The following NUP210 variants were observed in gnomAD, a reference collection of about 807,000 sequenced individuals.
NUP210 encodes nuclear pore membrane glycoprotein 210.
NUP210 carries 151 observed loss-of-function variants against 196.0 expected under a neutral mutation model. The observed-to-expected ratio is 0.77, with a 90% CI of 0.67 to 0.88. The LOEUF (loss-of-function observed/expected upper bound fraction) is 0.88, where lower values mean the gene tolerates loss of function less well. Among genes scored for constraint, NUP210 ranks in the 40% least tolerant of loss-of-function variants. The pLI is 0.00. For missense variants in NUP210, 2,314 were observed against 2,493.7 expected (o/e 0.93, Z 1.53); for synonymous variants, 1,070 against 1,052.7 (o/e 1.02, Z -0.32).
intron 39 of NUP210, 38 bp from the exon 40 acceptor site, chr3:13,317,819 A>G: frequency 1.4e-6 from 2 of 1,444,572 alleles, no homozygotes; most frequent in Non-Finnish European, 1.9e-6. Context: ...CAGCAGAGCC[A>G]GGGAAAGCGG....
rs371346807 is a variant in NUP210 at position 13,319,813 on chromosome 3, G to A, written c.5333C>T (p.Ala1778Val). ...CACAAAAGCCACTGTCACTGGGATG[G>A]CAATGGCTTGGTTGGTCACGGGGCT... is the stretch of plus-strand genomic sequence containing the variant. ...FSSPVTNQAI[A>V]IPVTVAFVVD... is the part of the protein sequence containing the mutation. The change falls in exon 37 of 40, where the codon GCC becomes GTC. Residue 1778 changes from alanine to valine, a missense_variant. Physicochemically the swap from Ala to Val is moderately conservative, Grantham distance 64. Coordinates refer to ENST00000254508, the MANE Select transcript of NUP210 (RefSeq NM_024923.4). 1.7e-5 allele frequency: 28 copies of A among 1,614,122 alleles called. No individual in the cohort carries two copies. The highest frequency in any genetic ancestry group is 2.3e-5 in the Non-Finnish European group (27 of 1,180,044).
At chr3:13,383,434 G>C (rs1032484593) in intron 6 of NUP210, among the ~76,000 whole-genome samples, 21 of 150,868 alleles carry the variant, frequency 1.4e-4, no homozygotes, top group Non-Finnish European at 3.1e-4. Flanking sequence ...GAAGGTCAGT[G>C]ACCAAGCTCG....
chr3:13,330,591 C>T lies in NUP210; in HGVS notation c.3979G>A (p.Glu1327Lys), dbSNP rs199836273. 117 of 1,614,094 alleles carry T rather than the reference C, an allele frequency of 7.2e-5. No individual in the cohort carries two copies. Among genetic ancestry groups the T allele is most frequent in the South Asian group, 3.5e-4 (32 of 91,080 alleles). ...SLSYRVLDGP[E>K]KVPVVHVDEK... ...TCAACATGCACAACTGGAACCTTTT[C>T]GGGTCCATCCAGGACGCGGTAGCTC... is the stretch of plus-strand genomic sequence containing the variant. Residue 1327 changes from glutamate to lysine, a missense_variant, in exon 30 of 40, where the codon GAA (glutamate) becomes AAA (lysine). Coordinates refer to ENST00000254508, the MANE Select transcript of NUP210 (RefSeq NM_024923.4).
chr3:13,411,000 T>C (rs1576429495), intron 1 of NUP210, among the ~76,000 whole-genome samples: 2 of 151,400 alleles, frequency 1.3e-5, no homozygotes, highest in East Asian at 1.9e-4. Flanking sequence ...GGTAGGAGGA[T>C]TGCTTGAGGC....
intron 36 of NUP210, among the ~76,000 whole-genome samples, chr3:13,320,632 CAA>C (rs35982089): frequency 1.7e-3 from 116 of 67,436 alleles, no homozygotes; most frequent in African/African-American, 6.6e-3. Context: ...GACTCCGTCT[CAA>C]AAAAAAAAAA....
At chr3:13,372,294 G>A (rs945073235) in intron 12 of NUP210, among the ~76,000 whole-genome samples, 1 of 152,210 alleles carries the variant, frequency 6.6e-6, no homozygotes. Flanking sequence ...GGGATGGTGC[G>A]TGCAAAGGCC....
At chr3:13,386,494 A>C in intron 5 of NUP210, 87 bp from the exon 6 acceptor site, 1 of 1,506,630 alleles carries the variant, frequency 6.6e-7, no homozygotes, top group East Asian at 2.3e-5. Context: ...GATGTTTTAA[A>C]CATGGGAATA....
intron 20 of NUP210, among the ~76,000 whole-genome samples, chr3:13,346,154 G>A (rs147820137): frequency 4.6e-5 from 7 of 152,364 alleles, no homozygotes; most frequent in Non-Finnish European, 1.0e-4. Flanking sequence ...TACCATCTCT[G>A]GAGCCCTCGA....
At chr3:13,330,680 G>C (rs1257258854) in intron 29 of NUP210, 46 bp from the exon 30 acceptor site, 1 of 1,558,784 alleles carries the variant, frequency 6.4e-7, no homozygotes, top group Non-Finnish European at 8.8e-7. Context: ...GCAGCAGTGG[G>C]AGTGGGCCTG....
In NUP210 at chr3:13,325,840, C is replaced by T. The variant is rs764089774; in HGVS notation, c.4599G>A (p.Val1533=). 3 of 1,613,994 alleles carry T rather than the reference C, an allele frequency of 1.9e-6. No homozygotes were observed. Among genetic ancestry groups the T allele is most frequent in the Non-Finnish European group, 2.5e-6 (3 of 1,180,036 alleles). ...GVAVARAVGS[V]TVYYEVAGHL... is the part of the protein sequence containing the mutation. ...GCCCAGCGACCTCATAGTAAACCGTCACGGATCCCACGGCCCGGGCCACAG... is the reference window on the plus strand; with the variant it reads ...GCCCAGCGACCTCATAGTAAACCGTTACGGATCCCACGGCCCGGGCCACAG... Residue 1533 remains valine (V), a synonymous_variant, in exon 33 of 40, where the codon GTG becomes GTA. Coordinates refer to ENST00000254508, the MANE Select transcript of NUP210 (RefSeq NM_024923.4).
At chr3:13,412,491 A>T (rs1700209913) in intron 1 of NUP210, among the ~76,000 whole-genome samples, 1 of 152,036 alleles carries the variant, frequency 6.6e-6, no homozygotes, top group Non-Finnish European at 1.5e-5. Context: ...AGGAGGGCTG[A>T]TCACCTGAGG....
rs1024803325 is a variant in NUP210 at position 13,323,180 on chromosome 3, C to T, written c.4768+129G>A. On this transcript the variant is annotated intron_variant, in intron 34 of 39. Transcript: ENST00000254508. The surrounding 1 kb of genome is among the most constrained non-coding windows in gnomAD (Gnocchi z 4.3). Reference sequence around the variant, plus strand: ...GCTGGAAGGAGTGGATGAGTGGGGGCTAAATGCCCTCTCTGGAGTTGGTGT... The same window carrying T: ...GCTGGAAGGAGTGGATGAGTGGGGGTTAAATGCCCTCTCTGGAGTTGGTGT... 1 of 1,173,890 alleles carries T rather than the reference C, an allele frequency of 8.5e-7. No individual in the cohort carries two copies. Among genetic ancestry groups the T allele is most frequent in the Non-Finnish European group, 1.2e-6 (1 of 830,244 alleles). The allele number at this position is 1,173,890 out of a possible 1,614,324, so 72.7% of individuals were successfully genotyped here.
chr3:13,366,365 C>G (rs1053298685), intron 13 of NUP210, among the ~76,000 whole-genome samples: 1 of 152,100 alleles, frequency 6.6e-6, no homozygotes, highest in African/African-American at 2.4e-5. Flanking sequence ...CTCCTGACCT[C>G]AAGTGATCAA....
chr3:13,364,667 A>G (rs894273255), intron 14 of NUP210, among the ~76,000 whole-genome samples: 2 of 152,118 alleles, frequency 1.3e-5, no homozygotes, highest in South Asian at 2.1e-4. Context: ...TGTCTCTACT[A>G]AAAATACAAA....
intron 1 of NUP210, among the ~76,000 whole-genome samples, chr3:13,410,618 T>TA (rs1265185683): frequency 1.0e-3 from 143 of 137,372 alleles, no homozygotes; most frequent in Middle Eastern, 4.0e-3. Context: ...ACCCCATTTC[T>TA]AAAAAAAAAA....
intron 14 of NUP210, among the ~76,000 whole-genome samples, chr3:13,360,967 G>A (rs565250807): frequency 1.8e-4 from 27 of 152,342 alleles, no homozygotes; most frequent in African/African-American, 5.3e-4. Flanking sequence ...GGAACCTTAT[G>A]CGGGCCCCCA....
chr3:13,348,267 C>T lies in NUP210; in HGVS notation c.2835+3612G>A, dbSNP rs1697829130. Reference sequence around the variant, plus strand: ...TTTCAGACAAGTGTCCCAGCTTCTGCTCAAATGCCTCCAGAGACAGGGAGC... The same window carrying T: ...TTTCAGACAAGTGTCCCAGCTTCTGTTCAAATGCCTCCAGAGACAGGGAGC... On this transcript the variant is annotated intron_variant, in intron 20 of 39. Transcript: ENST00000254508. This position sits in a 1 kb window ranked among gnomAD's most constrained non-coding sequence, Gnocchi z 4.0. 3.9e-6 allele frequency: 2 copies of T among 510,100 alleles called. No homozygotes were observed. The highest frequency in any genetic ancestry group is 6.4e-5 in the Admixed American group (1 of 15,714). 31.6% of individuals were successfully genotyped at this position (510,100 alleles called of 1,614,324 possible).
Position 13,352,129 on chromosome 3 carries a change from A to T in NUP210, c.2684T>A (p.Val895Glu). 6.2e-7 allele frequency: 1 copy of T among 1,614,068 alleles called. No homozygotes were observed. Reference sequence around the variant, plus strand: ...GGTCACCTCTTCTGGGCTCACCCTCACGTCCTCCACCAGGATGAGCTCTAT... The same window carrying T: ...GGTCACCTCTTCTGGGCTCACCCTCTCGTCCTCCACCAGGATGAGCTCTAT... Reference protein sequence around the residue: ...ASIELILVEDVRVSPEEVTIY... With the variant: ...ASIELILVEDERVSPEEVTIY... Residue 895 changes from valine to glutamate, a missense_variant, in exon 19 of 40, where the codon GTG becomes GAG. Coordinates refer to ENST00000254508, the MANE Select transcript of NUP210 (RefSeq NM_024923.4).
intron 39 of NUP210, 152 bp from the exon 40 acceptor site, chr3:13,317,933 G>A (rs354477): frequency 0.46 from 279,162 of 606,702 alleles, 67,900 homozygotes; most frequent in East Asian, 0.61. Flanking sequence ...GGAAGTCCAC[G>A]GGCACCTGCT....
Sources: gnomAD v4.1 joint callset for allele counts (sites outside exome capture counted in the v4.1 genomes callset) on GRCh38, gnomAD v4.1.1 for gene constraint, Gnocchi (gnomAD v3.1) non-coding constraint, MANE v1.5 for transcripts, NCBI Gene and HGNC (gene_info 2026-07-23, HGNC 2026-07-21) for gene names.